The following PYROXD2 variants were observed in gnomAD, a reference collection of about 807,000 sequenced individuals.
PYROXD2 encodes pyridine nucleotide-disulphide oxidoreductase domain 2, also known as pyridine nucleotide-disulfide oxidoreductase domain-containing protein 2.
A neutral mutation model predicts 71.1 loss-of-function variants in PYROXD2; 69 were observed. The ratio of observed to expected loss-of-function variants is 0.97; its 90% CI spans 0.80 to 1.19. The LOEUF is 1.19. Ranked by LOEUF, PYROXD2 falls within the 50% of genes most tolerant of loss-of-function variation. The probability of loss-of-function intolerance (pLI) is 0.00; values close to 1 mark genes in which losing one functional copy is unlikely to be tolerated. For missense variants in PYROXD2, 745 were observed against 748.9 expected (o/e 0.99, Z 0.06); for synonymous variants, 287 against 302.7 (o/e 0.95, Z 0.54).
rs1310934320 is a variant in PYROXD2 at position 98,389,646 on chromosome 10, G to GT, written c.1292+951dup. Among the ~76,000 whole-genome samples, 10 of 152,240 alleles carry GT rather than the reference G, an allele frequency of 6.6e-5. No individual in the cohort carries two copies. The East Asian group carries it at 1.7e-3, about 27-fold the overall frequency. On this transcript the variant is annotated intron_variant, in intron 12 of 15. Transcript: ENST00000370575. ...CACCTGACCTTCCCTCTGTCTGGAC[G>GT]TTTTTTCCCCAGATACCCATAAGAT...
chr10:98,391,095 G>A lies in PYROXD2; in HGVS notation c.1063-13C>T. ...CAGGAAGCCACTCCTGGAAGGAGAA[G>A]GCTCCATGAAAGGCCTCAGATGTCC... On this transcript the variant is annotated splice_polypyrimidine_tract_variant and intron_variant, in intron 10 of 15. Coordinates refer to ENST00000370575, the MANE Select transcript of PYROXD2 (RefSeq NM_032709.3). The A allele has an allele frequency of 1.3e-6, 2 of 1,592,280 alleles. No homozygotes were observed. The highest frequency in any genetic ancestry group is 1.7e-6 in the Non-Finnish European group (2 of 1,160,446).
At chr10:98,402,676 C>T (rs1425879237) in intron 4 of PYROXD2, among the ~76,000 whole-genome samples, 5 of 152,254 alleles carry the variant, frequency 3.3e-5, no homozygotes, top group African/African-American at 1.2e-4. Flanking sequence ...TGCAACCTCA[C>T]GACTCGAGGT....
At position 98,387,230 on chromosome 10, in the gene PYROXD2, A is replaced by T. The variant is rs747404339; in HGVS notation, c.1525T>A (p.Leu509Met). ...CCAGGAAGCCCGAAGATTCTCTCCAAATCTGGTGGTGTGAGGATGTCTCTG... is the reference window on the plus strand; with the variant it reads ...CCAGGAAGCCCGAAGATTCTCTCCATATCTGGTGGTGTGAGGATGTCTCTG... ...VGRDILTPPD[L>M]ERIFGLPGGN... Residue 509 changes from leucine (L) to methionine (M), a missense_variant, in exon 14 of 16, where the codon TTG (leucine) becomes ATG (methionine). Leu to Met is a conservative substitution (Grantham distance 15). Transcript: ENST00000370575. 1 of 1,614,078 alleles carries T rather than the reference A, an allele frequency of 6.2e-7. No homozygotes were observed. Among genetic ancestry groups the T allele is most frequent in the South Asian group, 1.1e-5 (1 of 91,054 alleles).
intron 1 of PYROXD2, among the ~76,000 whole-genome samples, chr10:98,413,273 G>C (rs1843849815): frequency 6.6e-6 from 1 of 152,156 alleles, no homozygotes; most frequent in Non-Finnish European, 1.5e-5. Context: ...TTTGTGGTCA[G>C]GCTTAAGAAA....
At chr10:98,401,326 T>C (rs1057442349) in intron 4 of PYROXD2, among the ~76,000 whole-genome samples, 1 of 141,182 alleles carries the variant, frequency 7.1e-6, no homozygotes, top group African/African-American at 2.8e-5. Flanking sequence ...GTAAGAAAAA[T>C]GATACTGTAT....
intron 8 of PYROXD2, 103 bp downstream of exon 8, chr10:98,395,093 T>C (rs1843114304): frequency 1.0e-6 from 1 of 976,436 alleles, no homozygotes; most frequent in Admixed American, 1.7e-5. Flanking sequence ...CTGGGTGAGC[T>C]CTGTTAAGTG....
chr10:98,391,637 C>T (rs1842948219), intron 10 of PYROXD2, among the ~76,000 whole-genome samples: 1 of 152,192 alleles, frequency 6.6e-6, no homozygotes, highest in African/African-American at 2.4e-5. Context: ...GCAGTGCTCT[C>T]ACACTCTGAC....
intron 10 of PYROXD2, 42 bp from the exon 11 acceptor site, chr10:98,391,124 G>A (rs773639950): frequency 7.0e-6 from 9 of 1,279,394 alleles, no homozygotes; most frequent in Non-Finnish European, 9.1e-6. Flanking sequence ...GATGTCCAAG[G>A]CCCCAAGGAA....
rs146291532 is a variant in PYROXD2 at position 98,385,017 on chromosome 10, G to A, written c.1605C>T (p.Pro535=). ...MSLDQLYFAR[P]VPLHSGYRCP... is the part of the protein sequence containing the mutation. The stretch of plus-strand genomic sequence containing the variant: ...AGCGGTAGCCAGAATGCAGGGGCAC[G>A]GGGCGGGCGAAGTAGAGCTGGTCCA... Residue 535 remains proline, a synonymous_variant, in exon 15 of 16, where the codon CCC becomes CCT. Transcript: ENST00000370575. 845 of 1,613,846 alleles carry A rather than the reference G, an allele frequency of 5.2e-4. 8 individuals are homozygous for A. In the African/African-American group the frequency reaches 0.01, roughly 19 times the overall value.
chr10:98,395,344 G>A, intron 7 of PYROXD2, 47 bp downstream of exon 7: 1 of 1,612,364 alleles, frequency 6.2e-7, no homozygotes, highest in Non-Finnish European at 8.5e-7. Flanking sequence ...GATGGGAGGA[G>A]GGCCCTCTCA....
intron 14 of PYROXD2, among the ~76,000 whole-genome samples, chr10:98,385,395 G>A (rs938075238): frequency 1.2e-4 from 19 of 152,218 alleles, no homozygotes; most frequent in Admixed American, 5.9e-4. Flanking sequence ...TGTGGCTGTT[G>A]GCATGCGTCT....
chr10:98,410,808 G>A, intron 2 of PYROXD2, 131 bp downstream of exon 2: 7 of 1,359,016 alleles, frequency 5.2e-6, no homozygotes, highest in East Asian at 2.5e-5. Context: ...AGAGCAGAGA[G>A]CATCGACTAG....
intron 4 of PYROXD2, 141 bp downstream of exon 4, chr10:98,407,440 TG>T: frequency 1.1e-6 from 1 of 936,258 alleles, no homozygotes; most frequent in Non-Finnish European, 1.6e-6. Context: ...GGAGACCACG[TG>T]GGATACACAA....
chr10:98,387,106 G>T, intron 14 of PYROXD2, 95 bp downstream of exon 14: 3 of 919,326 alleles, frequency 3.3e-6, no homozygotes, highest in African/African-American at 1.7e-5. Context: ...TGAAAGCTGA[G>T]TATGGAGGGA....
intron 1 of PYROXD2, 147 bp from the exon 2 acceptor site, chr10:98,411,105 T>C (rs1402815916): frequency 6.3e-6 from 7 of 1,103,652 alleles, no homozygotes; most frequent in East Asian, 2.6e-5. Context: ...CACTCAGATG[T>C]TGGAACAGCA....
At chr10:98,385,164 C>T (rs565294470) in intron 14 of PYROXD2, 97 bp from the exon 15 acceptor site, 2 of 1,478,460 alleles carry the variant, frequency 1.4e-6, no homozygotes, top group South Asian at 2.5e-5. Flanking sequence ...AGCAAATGTT[C>T]TTCTCCTTCC....
chr10:98,397,301 T>G (rs770403550), intron 6 of PYROXD2, 44 bp downstream of exon 6: 2 of 1,526,788 alleles, frequency 1.3e-6, no homozygotes, highest in East Asian at 2.4e-5. Flanking sequence ...GCTCACCTCC[T>G]TGAAGGTCAC....
rs1459995634 is a variant in PYROXD2, at chr10:98,392,956, T to C, written c.913A>G (p.Ile305Val). ...GGGCCGTTCACCTTTTCAGTGAAGA[T>C]GCTTGCTCCATGTGTGGTGGCTGAG... ...ASSATTHGAS[I>V]FTEKTVAKVQ... The change falls in exon 9 of 16, where the codon ATC (isoleucine) becomes GTC (valine). Residue 305 changes from isoleucine to valine, a missense_variant. Transcript: ENST00000370575. 36 of 1,613,870 alleles carry C rather than the reference T, an allele frequency of 2.2e-5. No homozygotes were observed. Among genetic ancestry groups the C allele is most frequent in the Non-Finnish European group, 3.0e-5 (35 of 1,179,910 alleles).
chr10:98,413,571 G>T (rs4258311), intron 1 of PYROXD2, among the ~76,000 whole-genome samples: 1 of 151,498 alleles, frequency 6.6e-6, no homozygotes, highest in Non-Finnish European at 1.5e-5. Context: ...AAAATTAGCC[G>T]GGCGTGGTGG....
Sources: allele counts gnomAD v4.1 joint callset (sites outside exome capture counted in the v4.1 genomes callset), GRCh38; gene constraint gnomAD v4.1.1; transcripts MANE v1.5; gene names NCBI Gene and HGNC (gene_info 2026-07-23, HGNC 2026-07-21).